The following TPP2 variants were observed in gnomAD, a reference collection of about 807,000 sequenced individuals.
TPP2 encodes the protein tripeptidyl peptidase 2, also known as tripeptidyl-peptidase 2.
In TPP2, 34 loss-of-function variants were observed where a neutral mutation model predicts 155.9. The ratio of observed to expected loss-of-function variants is 0.22; its 90% CI spans 0.17 to 0.29. The LOEUF (loss-of-function observed/expected upper bound fraction) is 0.29. Ranked by LOEUF, TPP2 falls within the 10% of genes least tolerant of loss-of-function variation. The probability of loss-of-function intolerance (pLI) is 1.00; values close to 1 mark genes in which losing one functional copy is unlikely to be tolerated. For missense variants in TPP2, 1,028 were observed against 1,522.3 expected, an observed-to-expected ratio of 0.68 and a Z score of 5.40; for synonymous variants, 510 against 529.4, an observed-to-expected ratio of 0.96 and a Z score of 0.50.
intron 13 of TPP2, 89 bp downstream of exon 13, chr13:102,636,481 T>A: frequency 7.1e-7 from 1 of 1,411,036 alleles, no homozygotes; most frequent in Non-Finnish European, 9.5e-7. Flanking sequence ...TTTGGGCCAG[T>A]GTTGTGAAGA....
chr13:102,668,500 G>A (rs1399133403), intron 27 of TPP2, among the ~76,000 whole-genome samples: 1 of 152,136 alleles, frequency 6.6e-6, no homozygotes, highest in East Asian at 1.9e-4. Context: ...AGTATAATCA[G>A]TAACATTCTT....
chr13:102,643,373 C>T lies in TPP2; in HGVS notation c.2172C>T (p.Val724=). 2 of 1,599,098 alleles carry T rather than the reference C, an allele frequency of 1.3e-6. No homozygotes were observed. Among genetic ancestry groups the T allele is most frequent in the Non-Finnish European group, 1.7e-6 (2 of 1,175,330 alleles). ...GAACACTGACTGAAGCTTTTCCTGT[C>T]CTAGTAAGTTTAATTATAGTTTATA... is the stretch of plus-strand genomic sequence containing the variant. ...EKGTLTEAFP[V]LGGKAIEFCI... Residue 724 remains valine, a synonymous_variant, in exon 17 of 30, where the codon GTC becomes GTT. Transcript: ENST00000376052.
At chr13:102,673,157 G>C (rs1885083212) in intron 27 of TPP2, among the ~76,000 whole-genome samples, 1 of 152,188 alleles carries the variant, frequency 6.6e-6, no homozygotes, top group Non-Finnish European at 1.5e-5. Context: ...CATGTTCCCT[G>C]CCATGCGGCC....
rs1258722434 is a variant in TPP2 at position 102,678,418 on chromosome 13, C to G, written c.*102C>G. 4 of 856,550 alleles carry G rather than the reference C, an allele frequency of 4.7e-6. No individual in the cohort carries two copies. The Admixed American group carries it at 6.9e-5, about 15-fold the overall frequency. 53.1% of individuals were successfully genotyped at this position (856,550 alleles called of 1,614,324 possible). A position where few individuals can be genotyped will look rare whatever the true frequency, so the allele number is the denominator to read the frequency against. On this transcript the variant is annotated 3_prime_UTR_variant, in exon 30 of 30. Coordinates refer to ENST00000376052, the MANE Select transcript of TPP2 (RefSeq NM_001330588.2). The stretch of plus-strand genomic sequence containing the variant: ...TTAGTCTAATGCATGTTTTCATCCA[C>G]TATCCAGTACTGATTATTAAAATGA...
intron 17 of TPP2, 74 bp downstream of exon 17, chr13:102,643,450 G>GCC: frequency 7.8e-7 from 1 of 1,289,480 alleles, no homozygotes; most frequent in Non-Finnish European, 1.0e-6. Context: ...CTAAGTATTT[G>GCC]CATTTGATTT....
chr13:102,644,522 GA>G, intron 17 of TPP2, 34 bp from the exon 18 acceptor site: 1 of 1,489,090 alleles, frequency 6.7e-7, no homozygotes, highest in Non-Finnish European at 9.2e-7. Context: ...AGAAAAATAA[GA>G]AAAGAGATAT....
chr13:102,667,619 C>A, intron 27 of TPP2: 1 of 449,006 alleles, frequency 2.2e-6, no homozygotes, highest in Non-Finnish European at 2.9e-6. Context: ...CCAGTCAGTA[C>A]AAAACCTAAG....
chr13:102,634,154 G>A (rs1464673476), intron 11 of TPP2, 56 bp downstream of exon 11: 2 of 1,604,088 alleles, frequency 1.2e-6, no homozygotes, highest in African/African-American at 2.7e-5. Context: ...TTTGTTTTCT[G>A]AAGCTCTCAT....
chr13:102,607,685 C>A (rs1373217303), intron 2 of TPP2: 1 of 447,558 alleles, frequency 2.2e-6, no homozygotes, highest in Admixed American at 2.4e-5. Context: ...TTCCTGTATT[C>A]AAGTGATTCT....
At chr13:102,627,776 A>G (rs1881739342) in intron 7 of TPP2, 72 bp from the exon 8 acceptor site, 3 of 1,054,804 alleles carry the variant, frequency 2.8e-6, no homozygotes, top group Non-Finnish European at 4.3e-6. Flanking sequence ...GATTATATAT[A>G]TGCCCTTATT....
At chr13:102,617,020 C>T (rs1441085234) in intron 4 of TPP2, among the ~76,000 whole-genome samples, 5 of 151,086 alleles carry the variant, frequency 3.3e-5, no homozygotes, top group African/African-American at 9.7e-5. Context: ...AAGCTATTCT[C>T]GCCTCAGCCT....
intron 2 of TPP2, among the ~76,000 whole-genome samples, chr13:102,607,315 G>A (rs1345120816): frequency 6.6e-6 from 1 of 152,132 alleles, no homozygotes; most frequent in Non-Finnish European, 1.5e-5. Flanking sequence ...TCCAAAATCC[G>A]AAATGCTCCA....
intron 24 of TPP2, among the ~76,000 whole-genome samples, chr13:102,654,411 T>C (rs1883710678): frequency 6.6e-6 from 1 of 152,238 alleles, no homozygotes; most frequent in African/African-American, 2.4e-5. Context: ...TTTTTGCTTT[T>C]AATGATAGTC....
chr13:102,628,072 T>C, intron 8 of TPP2, 148 bp downstream of exon 8: 1 of 652,750 alleles, frequency 1.5e-6, no homozygotes, highest in Non-Finnish European at 2.6e-6. Context: ...ACTTTCATCC[T>C]CTTGAAGTCC....
intron 8 of TPP2, among the ~76,000 whole-genome samples, 175 bp downstream of exon 8, chr13:102,628,099 C>T (rs118127761): frequency 1.1e-3 from 171 of 152,100 alleles, no homozygotes; most frequent in Non-Finnish European, 2.2e-3. Flanking sequence ...GCTCGTAGGC[C>T]GCACACCCCC....
chr13:102,624,147 A>G (rs1472823707), intron 6 of TPP2, among the ~76,000 whole-genome samples: 1 of 152,206 alleles, frequency 6.6e-6, no homozygotes, highest in Non-Finnish European at 1.5e-5. Context: ...ATTCTAAAAC[A>G]TGCCGAATAG....
intron 25 of TPP2, 122 bp from the exon 26 acceptor site, chr13:102,663,526 G>A (rs9585958): frequency 0.47 from 299,905 of 637,952 alleles, 71,818 homozygotes; most frequent in African/African-American, 0.6. Flanking sequence ...GACTATACTT[G>A]TATTTCAAAT....
chr13:102,668,384 A>T (rs555174113), intron 27 of TPP2, among the ~76,000 whole-genome samples: 1 of 152,258 alleles, frequency 6.6e-6, no homozygotes, highest in South Asian at 2.1e-4. Context: ...GGTTTTGTTG[A>T]TTGAAGAGTA....
At chr13:102,629,663 A>G in intron 9 of TPP2, 54 bp downstream of exon 9, 1 of 1,533,170 alleles carries the variant, frequency 6.5e-7, no homozygotes. Context: ...AACAAAAAAC[A>G]ATAGTTAATG....
Sources: allele counts gnomAD v4.1 joint callset (sites outside exome capture counted in the v4.1 genomes callset), GRCh38; gene constraint gnomAD v4.1.1; transcripts MANE v1.5; gene names NCBI Gene and HGNC (gene_info 2026-07-23, HGNC 2026-07-21).